Variants in MAD1L1 observed in about 807,000 individuals in gnomAD.
MAD1L1 encodes the protein mitotic arrest deficient 1 like 1.
MAD1L1 carries 95 observed loss-of-function variants against 96.9 expected under a neutral mutation model. The ratio of observed to expected loss-of-function variants is 0.98; its 90% CI spans 0.83 to 1.16. The LOEUF (loss-of-function observed/expected upper bound fraction) is 1.16, where lower values mean the gene tolerates loss of function less well. Ranked by LOEUF, MAD1L1 falls within the 50% of genes most tolerant of loss-of-function variation. The pLI is 0.00. For synonymous variants in MAD1L1, 473 were observed against 396.6 expected (o/e 1.19, Z -2.29); for missense variants, 1,007 against 954.4 (o/e 1.06, Z -0.73).
At chr7:2,075,561 A>C (rs151207434) in intron 11 of MAD1L1, among the ~76,000 whole-genome samples, 1 of 152,212 alleles carries the variant, frequency 6.6e-6, no homozygotes, top group Admixed American at 6.5e-5. Context: ...TGAAGTTCTT[A>C]GTTCCTCAAG....
chr7:1,885,385 G>A lies in MAD1L1; in HGVS notation c.1998+12815C>T, dbSNP rs75660033. On this transcript the variant is annotated intron_variant, in intron 18 of 18. Coordinates refer to ENST00000265854, the MANE Select transcript of MAD1L1 (RefSeq NM_001013836.2). ...AGCTCTGCCTAGAGAAAGATGGAGA[G>A]GGCTTAACGAGGGCTTTGAAGCTCA... Among the ~76,000 whole-genome samples, 1,184 of 152,300 alleles carry A rather than the reference G, an allele frequency of 7.8e-3. 39 individuals carry two copies. Among genetic ancestry groups the A allele is most frequent in the East Asian group, 0.061 (315 of 5,178 alleles).
intron 14 of MAD1L1, among the ~76,000 whole-genome samples, chr7:1,992,445 G>A (rs1343355350): frequency 6.6e-6 from 1 of 152,216 alleles, no homozygotes; most frequent in Non-Finnish European, 1.5e-5. Flanking sequence ...AAAAACGTGT[G>A]CAAGTAACGG....
intron 11 of MAD1L1, among the ~76,000 whole-genome samples, chr7:2,133,733 G>C (rs1249518051): frequency 6.6e-6 from 1 of 152,202 alleles, no homozygotes; most frequent in African/African-American, 2.4e-5. Flanking sequence ...GAAGGTGTAA[G>C]GTCTGTGTCT....
At chr7:1,816,353 G>A (rs1781805304) in intron 18 of MAD1L1, 125 bp from the exon 19 acceptor site, 3 of 887,778 alleles carry the variant, frequency 3.4e-6, no homozygotes, top group Non-Finnish European at 5.3e-6. Flanking sequence ...CTGGACAGGG[G>A]TAGATGCGTC....
rs535525735 is a variant in MAD1L1, at chr7:1,903,315, C to T, written c.1808-4925G>A. Reference sequence around the variant, plus strand: ...GAAGCACTGTTCCAGGCAGCGAGGACGCAGTGGCCTACGGAAGACACTCTT... The same window carrying T: ...GAAGCACTGTTCCAGGCAGCGAGGATGCAGTGGCCTACGGAAGACACTCTT... On this transcript the variant is annotated intron_variant, in intron 17 of 18. Coordinates refer to ENST00000265854, the MANE Select transcript of MAD1L1 (RefSeq NM_001013836.2). 4.5e-4 allele frequency among the ~76,000 whole-genome samples: 65 copies of T among 144,236 alleles called. 1 individual carries two copies. The highest frequency in any genetic ancestry group is 1.3e-3 in the African/African-American group (49 of 38,302). The allele number at this position is 144,236 out of a possible 152,430, so 94.6% of individuals were successfully genotyped here.
At chr7:2,176,908 AC>A (rs779810233) in intron 10 of MAD1L1, among the ~76,000 whole-genome samples, 7 of 152,222 alleles carry the variant, frequency 4.6e-5, no homozygotes, top group Non-Finnish European at 8.8e-5. Context: ...TAAAAAACAT[AC>A]GCTAGTAATA....
chr7:2,095,117 A>G (rs908376443), intron 11 of MAD1L1, among the ~76,000 whole-genome samples: 6 of 152,014 alleles, frequency 3.9e-5, no homozygotes, highest in African/African-American at 1.2e-4. Context: ...ATCTCAGCTC[A>G]CTACAAGCTC....
intron 14 of MAD1L1, among the ~76,000 whole-genome samples, chr7:1,988,202 G>A (rs766828776): frequency 2.4e-4 from 37 of 152,296 alleles, no homozygotes; most frequent in African/African-American, 6.3e-4. Flanking sequence ...CCTGCTGAAC[G>A]CTTCCTGACA....
intron 12 of MAD1L1, among the ~76,000 whole-genome samples, chr7:2,018,476 C>A (rs143239027): frequency 6.6e-6 from 1 of 152,180 alleles, no homozygotes; most frequent in Non-Finnish European, 1.5e-5. Context: ...GTGGGGCAGG[C>A]GCGTCCCGCA....
At chr7:2,197,198 C>G (rs573354580) in intron 10 of MAD1L1, among the ~76,000 whole-genome samples, 1 of 152,340 alleles carries the variant, frequency 6.6e-6, no homozygotes, top group South Asian at 2.1e-4. Context: ...CACGCAGCAT[C>G]TGGCCAACCT....
At chr7:1,818,570 A>G (rs1463219281) in intron 18 of MAD1L1, among the ~76,000 whole-genome samples, 1 of 151,658 alleles carries the variant, frequency 6.6e-6, no homozygotes, top group African/African-American at 2.4e-5. Context: ...TGAGAGATAG[A>G]TAGACTTTAG....
chr7:1,821,820 C>G (rs528153198), intron 18 of MAD1L1, among the ~76,000 whole-genome samples: 2 of 152,200 alleles, frequency 1.3e-5, no homozygotes, highest in Non-Finnish European at 2.9e-5. Context: ...CCTCAGCTCA[C>G]GCTGCTTCAC....
chr7:2,016,353 G>A (rs1782538934), intron 12 of MAD1L1, among the ~76,000 whole-genome samples: 3 of 152,196 alleles, frequency 2.0e-5, no homozygotes, highest in African/African-American at 7.2e-5. Context: ...GGCTGAAAGG[G>A]CAAATTCATG....
intron 12 of MAD1L1, among the ~76,000 whole-genome samples, chr7:2,053,120 T>C (rs796418360): frequency 1.3e-5 from 2 of 152,336 alleles, no homozygotes; most frequent in African/African-American, 4.8e-5. Flanking sequence ...CTTGCGACTT[T>C]GGTTGTTGGG....
At chr7:1,952,223 G>C (rs555123145) in intron 16 of MAD1L1, among the ~76,000 whole-genome samples, 5 of 152,220 alleles carry the variant, frequency 3.3e-5, no homozygotes, top group Non-Finnish European at 7.3e-5. Flanking sequence ...CGGCTGCCGG[G>C]AATCTGTGGA....
chr7:2,195,151 A>C (rs764849036), intron 10 of MAD1L1, among the ~76,000 whole-genome samples: 1 of 152,200 alleles, frequency 6.6e-6, no homozygotes, highest in East Asian at 1.9e-4. Context: ...ATAACTTAGC[A>C]GTGACCCCTA....
chr7:1,866,142 G>T (rs934793019), intron 18 of MAD1L1, among the ~76,000 whole-genome samples: 2 of 152,232 alleles, frequency 1.3e-5, no homozygotes, highest in African/African-American at 4.8e-5. Flanking sequence ...TGGTTGGTGG[G>T]AGGGGGGCCA....
intron 15 of MAD1L1, among the ~76,000 whole-genome samples, chr7:1,969,717 A>G (rs1334033543): frequency 6.6e-6 from 1 of 152,228 alleles, no homozygotes; most frequent in Non-Finnish European, 1.5e-5. Flanking sequence ...ATTTCCCTGT[A>G]TTAGGAACAA....
intron 18 of MAD1L1, among the ~76,000 whole-genome samples, chr7:1,822,429 C>CATATATATATATATAT (rs1413432199): frequency 7.8e-6 from 1 of 127,940 alleles, no homozygotes; most frequent in South Asian, 2.6e-4. Context: ...CAAACCTCAG[C>CATATATATATATATAT]ATATATATAT....
Sources: allele counts gnomAD v4.1 joint callset (sites outside exome capture counted in the v4.1 genomes callset), GRCh38; gene constraint gnomAD v4.1.1; transcripts MANE v1.5; gene names NCBI Gene and HGNC (gene_info 2026-07-23, HGNC 2026-07-21).